CBFB: variants seen among roughly 807,000 people sequenced by gnomAD.
CBFB encodes the protein core-binding factor subunit beta.
CBFB carries 9 observed loss-of-function variants against 30.4 expected under a neutral mutation model. That is an observed-to-expected ratio of 0.30 (90% CI 0.18 to 0.52). The LOEUF (loss-of-function observed/expected upper bound fraction) is 0.52, where lower values mean the gene tolerates loss of function less well. CBFB is among the 20% of genes least tolerant of loss of function. The pLI, the probability that CBFB is intolerant of heterozygous loss-of-function variation, is 0.97. For synonymous variants in CBFB, 94 were observed against 84.0 expected (o/e 1.12, Z -0.65); for missense variants, 170 against 244.0 (o/e 0.70, Z 2.02).
In CBFB at chr16:67,081,824, TTTTTTTTTC is replaced by T. The variant is rs543228163; in HGVS notation, c.400-380_400-372del. Among the ~76,000 whole-genome samples, 345 of 149,890 alleles carry T rather than the reference TTTTTTTTTC, an allele frequency of 2.3e-3. 1 individual carries two copies. Among genetic ancestry groups the T allele is most frequent in the African/African-American group, 7.8e-3 (320 of 40,796 alleles). On this transcript the variant is annotated intron_variant, in intron 4 of 5. Coordinates refer to ENST00000412916, the MANE Select transcript of CBFB (RefSeq NM_022845.3). Reference sequence around the variant, plus strand: ...GTAACAGAGCGGGATGCTGTTTCTTTTTTTTTTTCTTTTTTTTTCTTTTCCTTTTTTTTT... The same window carrying T: ...GTAACAGAGCGGGATGCTGTTTCTTTTTTTTTTTTCTTTTCCTTTTTTTTT...
At chr16:67,047,729 C>A (rs1440295469) in intron 3 of CBFB, among the ~76,000 whole-genome samples, 1 of 152,000 alleles carries the variant, frequency 6.6e-6, no homozygotes, top group East Asian at 1.9e-4. Flanking sequence ...GCTTTTTAGT[C>A]CTGAGTTTCT....
chr16:67,080,063 G>A (rs1961512163), intron 4 of CBFB, among the ~76,000 whole-genome samples: 1 of 152,210 alleles, frequency 6.6e-6, no homozygotes, highest in African/African-American at 2.4e-5. Context: ...CTGTACTCCA[G>A]CCTGGGCAAC....
chr16:67,042,926 G>A (rs527538574), intron 3 of CBFB, among the ~76,000 whole-genome samples: 1 of 152,210 alleles, frequency 6.6e-6, no homozygotes, highest in Admixed American at 6.5e-5. Flanking sequence ...AGTAGAGACA[G>A]GGTTTCACCA....
intron 2 of CBFB, among the ~76,000 whole-genome samples, chr16:67,030,352 G>A (rs1334154207): frequency 6.6e-6 from 1 of 152,086 alleles, no homozygotes; most frequent in Non-Finnish European, 1.5e-5. Context: ...TAAGCTTCAG[G>A]AGAATCAGAA....
intron 3 of CBFB, among the ~76,000 whole-genome samples, chr16:67,063,552 C>T (rs1960969850): frequency 6.6e-6 from 1 of 152,110 alleles, no homozygotes; most frequent in Non-Finnish European, 1.5e-5. Context: ...AGCGATTATC[C>T]TGCATCAGCC....
chr16:67,065,793 A>G (rs1567615356), intron 3 of CBFB, among the ~76,000 whole-genome samples: 1 of 152,242 alleles, frequency 6.6e-6, no homozygotes, highest in African/African-American at 2.4e-5. Context: ...CATGTAGTCA[A>G]ACCCTGTGAC....
At chr16:67,065,160 A>C (rs138508094) in intron 3 of CBFB, among the ~76,000 whole-genome samples, 1 of 152,172 alleles carries the variant, frequency 6.6e-6, no homozygotes, top group Non-Finnish European at 1.5e-5. Context: ...TGGCCTCCCA[A>C]AGTGCCGGGA....
At chr16:67,079,307 G>A (rs1306003963) in intron 4 of CBFB, among the ~76,000 whole-genome samples, 2 of 152,098 alleles carry the variant, frequency 1.3e-5, no homozygotes, top group Non-Finnish European at 2.9e-5. Context: ...GGGTTATAAA[G>A]CTAGTAAGTG....
At chr16:67,093,368 GTTTTTTTT>G (rs398042202) in intron 5 of CBFB, 3 of 96,798 alleles carry the variant, frequency 3.1e-5, no homozygotes, top group African/African-American at 8.7e-5. Context: ...TTTTCAGCAG[GTTTTTTTT>G]TTTTTTTTTT....
At chr16:67,076,154 C>G (rs572642014) in intron 4 of CBFB, among the ~76,000 whole-genome samples, 1 of 151,988 alleles carries the variant, frequency 6.6e-6, no homozygotes, top group African/African-American at 2.4e-5. Context: ...CGCTTGGACC[C>G]GGGAGGCAGA....
rs766950161 is a variant in CBFB at position 67,029,862 on chromosome 16, C to T, written c.165+49C>T. The stretch of plus-strand genomic sequence containing the variant: ...GCGCGGGTCACTTGTTGCGCGGGGC[C>T]GCGGCGGCCCAGGCCGGTTCCGGAC... On this transcript the variant is annotated intron_variant, in intron 2 of 5. Transcript: ENST00000412916. 5.1e-5 allele frequency: 72 copies of T among 1,408,066 alleles called. No homozygotes were observed. In the South Asian group the frequency reaches 8.4e-4, roughly 16 times the overall value. The allele number at this position is 1,408,066 out of a possible 1,614,324, so 87.2% of individuals were successfully genotyped here. A position where few individuals can be genotyped will look rare whatever the true frequency, so the allele number is the denominator to read the frequency against.
intron 3 of CBFB, among the ~76,000 whole-genome samples, chr16:67,049,654 T>C (rs1178243707): frequency 6.6e-6 from 1 of 151,730 alleles, no homozygotes; most frequent in Non-Finnish European, 1.5e-5. Context: ...CTGTTTTTTT[T>C]TGTTTTACTT....
chr16:67,100,264 G>A lies in CBFB; in HGVS notation c.*1486G>A. The A allele has an allele frequency of 4.5e-6, 1 of 220,246 alleles. No homozygotes were observed. The highest frequency in any genetic ancestry group is 6.7e-5 in the East Asian group (1 of 14,852). 13.6% of individuals were successfully genotyped at this position (220,246 alleles called of 1,614,324 possible). ...GAAAATGGACTGAAGTCTGAATAAGGTCATTGCATTTAAAAAGCATATAAC... is the reference window on the plus strand; with the variant it reads ...GAAAATGGACTGAAGTCTGAATAAGATCATTGCATTTAAAAAGCATATAAC... On this transcript the variant is annotated 3_prime_UTR_variant, in exon 6 of 6. Coordinates refer to ENST00000412916, the MANE Select transcript of CBFB (RefSeq NM_022845.3).
At chr16:67,081,180 A>G (rs1219880486) in intron 4 of CBFB, among the ~76,000 whole-genome samples, 1 of 125,246 alleles carries the variant, frequency 8.0e-6, no homozygotes, top group Admixed American at 1.1e-4. Flanking sequence ...TCCTGTGTCC[A>G]TGTGTTCTCA....
rs1387093840 is a variant in CBFB at position 67,099,581 on chromosome 16, T to C, written c.*803T>C. ...TTTTAAATTGGTATTAACTCTGTAC[T>C]CTGCCCTAGATTGTTTTAGCTTCTG... is the stretch of plus-strand genomic sequence containing the variant. On this transcript the variant is annotated 3_prime_UTR_variant, in exon 6 of 6. Transcript: ENST00000412916. The C allele has an allele frequency of 9.9e-6, 2 of 202,752 alleles. No homozygotes were observed. The highest frequency in any genetic ancestry group is 2.0e-5 in the Non-Finnish European group (2 of 98,510). The allele number at this position is 202,752 out of a possible 1,614,324, so 12.6% of individuals were successfully genotyped here.
chr16:67,049,407 G>C (rs1014995921), intron 3 of CBFB, among the ~76,000 whole-genome samples: 2 of 151,552 alleles, frequency 1.3e-5, no homozygotes, highest in African/African-American at 4.9e-5. Flanking sequence ...TCACCATGTT[G>C]GCCAGGCTGG....
chr16:67,098,394 C>T (rs924262308), intron 5 of CBFB, among the ~76,000 whole-genome samples: 2 of 152,188 alleles, frequency 1.3e-5, no homozygotes, highest in African/African-American at 4.8e-5. Context: ...GTCTCAGCCT[C>T]CCAAAGTTCT....
At chr16:67,047,296 G>C (rs1484926630) in intron 3 of CBFB, among the ~76,000 whole-genome samples, 1 of 152,206 alleles carries the variant, frequency 6.6e-6, no homozygotes, top group East Asian at 1.9e-4. Context: ...AAAATAAAAC[G>C]TGCCTCTTGG....
chr16:67,032,246 G>GC (rs1966364162), intron 2 of CBFB, among the ~76,000 whole-genome samples: 1 of 152,104 alleles, frequency 6.6e-6, no homozygotes, highest in Non-Finnish European at 1.5e-5. Flanking sequence ...CCTCACCTGA[G>GC]CCCGGGAGGT....
Sources: gnomAD v4.1 joint callset for allele counts (sites outside exome capture counted in the v4.1 genomes callset) on GRCh38, gnomAD v4.1.1 for gene constraint, MANE v1.5 for transcripts, NCBI Gene and HGNC (gene_info 2026-07-23, HGNC 2026-07-21) for gene names.